The following ERC2 variants were observed in gnomAD, a reference collection of about 807,000 sequenced individuals.
The protein encoded by ERC2 is ELKS/RAB6-interacting/CAST family member 2.
A neutral mutation model predicts 114.8 loss-of-function variants in ERC2; 42 were observed. That is an observed-to-expected ratio of 0.37 (90% CI 0.29 to 0.47). ERC2 has a LOEUF of 0.47. Among genes scored for constraint, ERC2 ranks in the 20% least tolerant of loss-of-function variants. The pLI, the probability that ERC2 is intolerant of heterozygous loss-of-function variation, is 0.99. For missense variants in ERC2, 939 were observed against 1,150.7 expected (o/e 0.82, Z 2.66); for synonymous variants, 454 against 425.5 (o/e 1.07, Z -0.82).
At chr3:55,518,765 G>A (rs1027885816) in intron 17 of ERC2, among the ~76,000 whole-genome samples, 11 of 152,136 alleles carry the variant, frequency 7.2e-5, no homozygotes, top group Non-Finnish European at 1.3e-4. Context: ...GTGGCGCCCT[G>A]GTGGCTATAT....
chr3:55,970,975 G>T (rs558823645), intron 12 of ERC2, among the ~76,000 whole-genome samples: 1 of 152,110 alleles, frequency 6.6e-6, no homozygotes, highest in Non-Finnish European at 1.5e-5. Flanking sequence ...AACAAAATGT[G>T]GTATACCCAC....
chr3:56,303,839 C>T (rs1046604237), intron 2 of ERC2, among the ~76,000 whole-genome samples: 1 of 152,142 alleles, frequency 6.6e-6, no homozygotes, highest in African/African-American at 2.4e-5. Flanking sequence ...GTAAGGGGGA[C>T]AGGCAGTGGG....
At chr3:56,456,245 C>T (rs573934324) in intron 1 of ERC2, among the ~76,000 whole-genome samples, 5 of 152,242 alleles carry the variant, frequency 3.3e-5, no homozygotes, top group South Asian at 2.1e-4. Context: ...TTTGATTTCT[C>T]GTTACTTGTT....
intron 13 of ERC2, among the ~76,000 whole-genome samples, chr3:55,928,507 T>G (rs1191602195): frequency 6.6e-6 from 1 of 152,194 alleles, no homozygotes; most frequent in Non-Finnish European, 1.5e-5. Flanking sequence ...TATATTCTGG[T>G]TATCAATCCC....
intron 17 of ERC2, among the ~76,000 whole-genome samples, chr3:55,586,258 T>C (rs2057596942): frequency 6.6e-6 from 1 of 152,188 alleles, no homozygotes; most frequent in Non-Finnish European, 1.5e-5. Flanking sequence ...TTGCCTTCAC[T>C]TTCAATGCCA....
At chr3:56,018,785 T>G in intron 8 of ERC2, 109 bp downstream of exon 8, 2 of 1,219,468 alleles carry the variant, frequency 1.6e-6, no homozygotes, top group Non-Finnish European at 2.3e-6. Context: ...GGACTAAAGG[T>G]AGTGTTAGCA....
chr3:56,334,211 C>CT (rs1486751587), intron 2 of ERC2, among the ~76,000 whole-genome samples: 2 of 152,228 alleles, frequency 1.3e-5, no homozygotes, highest in African/African-American at 4.8e-5. Flanking sequence ...CCTGGAGCAT[C>CT]TGGGGGCCAC....
In ERC2 at chr3:56,213,065, A is replaced by G. The variant is rs1323208196; in HGVS notation, c.1075-39545T>C. Reference sequence around the variant, plus strand: ...GGATGTGAAGGATAAAAGACTACACATGAGCTACAGCTCCCAGCATGAGCA... The same window carrying G: ...GGATGTGAAGGATAAAAGACTACACGTGAGCTACAGCTCCCAGCATGAGCA... On this transcript the variant is annotated intron_variant, in intron 3 of 17. Coordinates refer to ENST00000288221, the MANE Select transcript of ERC2 (RefSeq NM_015576.3). Among the ~76,000 whole-genome samples, 4 of 152,144 alleles carry G rather than the reference A, an allele frequency of 2.6e-5. No individual in the cohort carries two copies. The South Asian group carries it at 6.2e-4, about 24-fold the overall frequency.
At chr3:56,093,138 C>T (rs1480703521) in intron 6 of ERC2, among the ~76,000 whole-genome samples, 1 of 152,126 alleles carries the variant, frequency 6.6e-6, no homozygotes, top group African/African-American at 2.4e-5. Context: ...TCAAATACTC[C>T]TGGAGGATGG....
At chr3:56,236,381 C>T (rs2050948075) in intron 3 of ERC2, among the ~76,000 whole-genome samples, 1 of 152,142 alleles carries the variant, frequency 6.6e-6, no homozygotes, top group South Asian at 2.1e-4. Flanking sequence ...TGAGACCATC[C>T]AGGCCCTGAA....
In ERC2 at chr3:55,555,237, C is replaced by T. The variant is rs562654252; in HGVS notation, c.*40-43961G>A. 3.9e-4 allele frequency among the ~76,000 whole-genome samples: 59 copies of T among 152,160 alleles called. 1 individual carries two copies. Among genetic ancestry groups the T allele is most frequent in the Admixed American group, 1.4e-3 (21 of 15,276 alleles). ...AACTACTGTAAATGTTTATGAAAAACGGGAAATTCTCGTTTAATTCAAACC... is the reference window on the plus strand; with the variant it reads ...AACTACTGTAAATGTTTATGAAAAATGGGAAATTCTCGTTTAATTCAAACC... On this transcript the variant is annotated intron_variant, in intron 17 of 17. Coordinates refer to ENST00000288221, the MANE Select transcript of ERC2 (RefSeq NM_015576.3).
At chr3:56,215,203 G>C (rs1406716027) in intron 3 of ERC2, among the ~76,000 whole-genome samples, 1 of 152,088 alleles carries the variant, frequency 6.6e-6, no homozygotes, top group Non-Finnish European at 1.5e-5. Flanking sequence ...CTGGCAAATT[G>C]GATAAAGAGT....
intron 12 of ERC2, among the ~76,000 whole-genome samples, chr3:55,979,066 C>A (rs2069848137): frequency 6.6e-6 from 1 of 152,170 alleles, no homozygotes. Flanking sequence ...TCAGAAGATT[C>A]TTCAGTTATT....
intron 3 of ERC2, among the ~76,000 whole-genome samples, chr3:56,240,656 C>T (rs1474239141): frequency 2.0e-5 from 3 of 151,854 alleles, no homozygotes; most frequent in South Asian, 4.2e-4. Flanking sequence ...GAGATGCAGT[C>T]CAATTTCAGA....
intron 12 of ERC2, among the ~76,000 whole-genome samples, chr3:55,985,082 T>C (rs755520760): frequency 3.3e-5 from 5 of 152,226 alleles, no homozygotes; most frequent in Non-Finnish European, 5.9e-5. Context: ...CTTTCTTTTT[T>C]TGAAGTTTAG....
At chr3:56,033,134 G>A (rs2149633856) in intron 7 of ERC2, among the ~76,000 whole-genome samples, 1 of 152,210 alleles carries the variant, frequency 6.6e-6, no homozygotes, top group South Asian at 2.1e-4. Context: ...GCTCATGCCT[G>A]TAATCCCAGC....
intron 2 of ERC2, among the ~76,000 whole-genome samples, chr3:56,359,703 C>T (rs776936845): frequency 6.6e-6 from 1 of 152,204 alleles, no homozygotes; most frequent in Non-Finnish European, 1.5e-5. Context: ...AAGCATGGTG[C>T]CAGCATCTGC....
In ERC2 at chr3:55,699,371, A is replaced by G; in HGVS notation, c.2847+7T>C. ...GGGTCTTGGAGGTAAGCAGCGATGA[A>G]ACTGACCTGGTCCGGAGAGGGCCTG... On this transcript the variant is annotated splice_region_variant and intron_variant, in intron 16 of 17. Coordinates refer to ENST00000288221, the MANE Select transcript of ERC2 (RefSeq NM_015576.3). The G allele has an allele frequency of 6.2e-7, 1 of 1,613,690 alleles. No individual in the cohort carries two copies.
intron 8 of ERC2, among the ~76,000 whole-genome samples, chr3:56,014,750 T>G (rs1430700564): frequency 6.6e-6 from 1 of 152,232 alleles, no homozygotes; most frequent in Admixed American, 6.5e-5. Context: ...GGTATATGTT[T>G]ACTTCTGTGA....
Sources: gnomAD v4.1 joint callset for allele counts (sites outside exome capture counted in the v4.1 genomes callset) on GRCh38, gnomAD v4.1.1 for gene constraint, MANE v1.5 for transcripts, NCBI Gene and HGNC (gene_info 2026-07-23, HGNC 2026-07-21) for gene names.